Variants in SLC9A9 observed in about 807,000 individuals in gnomAD.
SLC9A9 encodes the protein sodium/hydrogen exchanger 9.
SLC9A9 carries 62 observed loss-of-function variants against 77.8 expected under a neutral mutation model. That is an observed-to-expected ratio of 0.80 (90% CI 0.65 to 0.98). SLC9A9 has a LOEUF of 0.98. Ranked by LOEUF, SLC9A9 falls within the 50% of genes least tolerant of loss-of-function variation. The pLI, the probability that SLC9A9 is intolerant of heterozygous loss-of-function variation, is 0.00. For missense variants in SLC9A9, 775 were observed against 774.9 expected (o/e 1.00, Z 0.00); for synonymous variants, 320 against 283.5 (o/e 1.13, Z -1.29).
At chr3:143,539,697 G>A (rs1355181652) in intron 9 of SLC9A9, among the ~76,000 whole-genome samples, 1 of 152,100 alleles carries the variant, frequency 6.6e-6, no homozygotes, top group East Asian at 1.9e-4. Context: ...AATAGTGGGC[G>A]ACCATCTGTC....
intron 9 of SLC9A9, 71 bp downstream of exon 9, chr3:143,552,291 A>G (rs2036903006): frequency 9.2e-7 from 1 of 1,091,636 alleles, no homozygotes; most frequent in South Asian, 1.4e-5. Context: ...TTCTGACTAT[A>G]CTGCCAGAAT....
chr3:143,703,048 C>T (rs9834982), intron 4 of SLC9A9, among the ~76,000 whole-genome samples: 81,042 of 151,924 alleles, frequency 0.53, 22,024 homozygotes, highest in Non-Finnish European at 0.57. Context: ...TTACACCCAA[C>T]ACTGAAGTAC....
chr3:143,578,618 T>C lies in SLC9A9; in HGVS notation c.861A>G (p.Ala287=). The change falls in exon 7 of 16, where the codon GCA becomes GCG. Residue 287 remains alanine (A), a synonymous_variant. Transcript: ENST00000316549. Reference sequence around the variant, plus strand: ...TGATGATGGCATACGCAGACCCCATTGCAAATGAGCCAGCGAAGATTCCCA... The same window carrying C: ...TGATGATGGCATACGCAGACCCCATCGCAAATGAGCCAGCGAAGATTCCCA... ...NFLGIFAGSF[A]MGSAYAIITA... The C allele has an allele frequency of 6.2e-7, 1 of 1,614,060 alleles. No individual in the cohort carries two copies. The highest frequency in any genetic ancestry group is 1.1e-5 in the South Asian group (1 of 91,086).
chr3:143,523,557 C>T (rs2036354364), intron 9 of SLC9A9, among the ~76,000 whole-genome samples: 1 of 152,082 alleles, frequency 6.6e-6, no homozygotes, highest in Non-Finnish European at 1.5e-5. Flanking sequence ...AGCGTGAATC[C>T]CAGCTCTTCG....
intron 15 of SLC9A9, 126 bp from the exon 16 acceptor site, chr3:143,267,055 T>C: frequency 1.2e-6 from 1 of 837,596 alleles, no homozygotes; most frequent in Non-Finnish European, 1.9e-6. Flanking sequence ...CTGTCTGGCC[T>C]TGGCTGATGT....
At chr3:143,748,565 T>C (rs2108822436) in intron 4 of SLC9A9, among the ~76,000 whole-genome samples, 1 of 152,340 alleles carries the variant, frequency 6.6e-6, no homozygotes, top group South Asian at 2.1e-4. Context: ...ATGGTTCAGC[T>C]GACCCTTCAT....
intron 13 of SLC9A9, among the ~76,000 whole-genome samples, chr3:143,365,274 C>T (rs2032865277): frequency 6.6e-6 from 1 of 152,024 alleles, no homozygotes; most frequent in African/African-American, 2.4e-5. Context: ...TGGGGCCTAC[C>T]TGAGGGTGGA....
chr3:143,269,414 G>A (rs1483684858), intron 14 of SLC9A9, among the ~76,000 whole-genome samples: 2 of 152,228 alleles, frequency 1.3e-5, no homozygotes, highest in Non-Finnish European at 2.9e-5. Context: ...TTATTTTAGA[G>A]CTAGGTAGTG....
At chr3:143,766,112 C>T (rs536621806) in intron 4 of SLC9A9, among the ~76,000 whole-genome samples, 2 of 152,286 alleles carry the variant, frequency 1.3e-5, no homozygotes, top group African/African-American at 4.8e-5. Context: ...TTGTCTTAAG[C>T]TACTGAGTTC....
In SLC9A9 at chr3:143,765,694, T is replaced by C. The variant is rs150491669; in HGVS notation, c.533+29307A>G. On this transcript the variant is annotated intron_variant, in intron 4 of 15. Coordinates refer to ENST00000316549, the MANE Select transcript of SLC9A9 (RefSeq NM_173653.4). The stretch of plus-strand genomic sequence containing the variant: ...GGGCCCTGTACAGTCAAATTCAATA[T>C]TACTTTCATTCATAATTAAGTTTTT... 1.1e-3 allele frequency among the ~76,000 whole-genome samples: 173 copies of C among 152,294 alleles called. 1 individual carries two copies. The East Asian group carries it at 0.011, about 10-fold the overall frequency.
At chr3:143,653,194 A>C (rs574548208) in intron 5 of SLC9A9, among the ~76,000 whole-genome samples, 1 of 152,306 alleles carries the variant, frequency 6.6e-6, no homozygotes, top group East Asian at 1.9e-4. Context: ...ACAGGACATG[A>C]GGATTTGTTT....
intron 4 of SLC9A9, among the ~76,000 whole-genome samples, chr3:143,751,291 C>T (rs1194191958): frequency 6.6e-6 from 1 of 152,130 alleles, no homozygotes; most frequent in Non-Finnish European, 1.5e-5. Flanking sequence ...TGCAGATCCA[C>T]CTAATTGTTG....
intron 2 of SLC9A9, among the ~76,000 whole-genome samples, chr3:143,802,741 G>A (rs1218315360): frequency 6.6e-6 from 1 of 152,076 alleles, no homozygotes; most frequent in Non-Finnish European, 1.5e-5. Context: ...TAGACTAATG[G>A]TCTTTTAAAG....
chr3:143,372,801 T>C (rs1015311315), intron 13 of SLC9A9, among the ~76,000 whole-genome samples: 38 of 151,986 alleles, frequency 2.5e-4, no homozygotes, highest in Admixed American at 1.8e-3. Flanking sequence ...ACAAATGACA[T>C]GAATAGACAT....
At chr3:143,632,566 T>A (rs1013869488) in intron 6 of SLC9A9, among the ~76,000 whole-genome samples, 1 of 152,168 alleles carries the variant, frequency 6.6e-6, no homozygotes, top group African/African-American at 2.4e-5. Flanking sequence ...TTCTTAGATC[T>A]TCCACCCCAA....
At chr3:143,844,769 CTTTCTTTCTTT>C (rs2009795227) in intron 1 of SLC9A9, among the ~76,000 whole-genome samples, 4 of 145,862 alleles carry the variant, frequency 2.7e-5, no homozygotes, top group African/African-American at 1.0e-4. Context: ...TTCTTTCTTT[CTTTCTTTCTTT>C]CTTTCTTTCT....
At chr3:143,457,682 T>C (rs992722284) in intron 12 of SLC9A9, among the ~76,000 whole-genome samples, 2 of 152,188 alleles carry the variant, frequency 1.3e-5, no homozygotes, top group African/African-American at 4.8e-5. Flanking sequence ...TATTTTCTAA[T>C]TTCTCTTGAG....
At chr3:143,281,225 G>C (rs1228598003) in intron 14 of SLC9A9, among the ~76,000 whole-genome samples, 1 of 152,164 alleles carries the variant, frequency 6.6e-6, no homozygotes, top group African/African-American at 2.4e-5. Context: ...TCACTAAGTT[G>C]CTACATGGAG....
chr3:143,695,898 T>C (rs540220540), intron 4 of SLC9A9, among the ~76,000 whole-genome samples: 18 of 152,376 alleles, frequency 1.2e-4, no homozygotes, highest in African/African-American at 4.1e-4. Context: ...ATTTCTCTAA[T>C]GACCAGTGAT....
Sources: allele counts gnomAD v4.1 joint callset (sites outside exome capture counted in the v4.1 genomes callset), GRCh38; gene constraint gnomAD v4.1.1; transcripts MANE v1.5; gene names NCBI Gene and HGNC (gene_info 2026-07-23, HGNC 2026-07-21).